The following SASH1 variants were observed in gnomAD, a reference collection of about 807,000 sequenced individuals.
SASH1 encodes SAM and SH3 domain containing 1.
SASH1 carries 44 observed loss-of-function variants against 125.2 expected under a neutral mutation model. That is an observed-to-expected ratio of 0.35 (90% CI 0.28 to 0.45). The LOEUF is 0.45. Ranked by LOEUF, SASH1 falls within the 20% of genes least tolerant of loss-of-function variation. The pLI is 1.00. For missense variants in SASH1, 1,426 were observed against 1,614.5 expected (o/e 0.88, Z 2.00); for synonymous variants, 639 against 649.1 (o/e 0.98, Z 0.24).
chr6:148,254,043 T>C, the SASH1 span, among the ~76,000 whole-genome samples: 23 of 151,890 alleles, frequency 1.5e-4, no homozygotes, highest in Admixed American at 1.1e-3. Flanking sequence ...CCATCTCTAC[T>C]AAAAATACAA....
intron 7 of SASH1, among the ~76,000 whole-genome samples, chr6:148,476,960 G>C (rs570582319): frequency 2.5e-4 from 38 of 152,250 alleles, no homozygotes; most frequent in African/African-American, 8.7e-4. Context: ...AATATACAAT[G>C]GGGAAAGAAC....
At chr6:148,344,928 G>C (rs1031258155) in intron 1 of SASH1, among the ~76,000 whole-genome samples, 6 of 152,032 alleles carry the variant, frequency 3.9e-5, no homozygotes, top group African/African-American at 1.4e-4. Context: ...GCTGATTTTT[G>C]TATTTTTAGT....
chr6:148,238,000 A>G, the SASH1 span, among the ~76,000 whole-genome samples: 3 of 152,156 alleles, frequency 2.0e-5, no homozygotes, highest in Non-Finnish European at 4.4e-5. Context: ...GAAAATGGGC[A>G]TCAGGGTGGC....
intron 1 of SASH1, among the ~76,000 whole-genome samples, chr6:148,330,130 C>G (rs1463870270): frequency 6.6e-6 from 1 of 152,136 alleles, no homozygotes; most frequent in Admixed American, 6.6e-5. Flanking sequence ...ACATACTTTT[C>G]CCAGAATGTT....
chr6:148,446,327 C>A (rs971309774), intron 4 of SASH1, among the ~76,000 whole-genome samples: 1 of 152,094 alleles, frequency 6.6e-6, no homozygotes, highest in East Asian at 1.9e-4. Flanking sequence ...CCAGGATGGT[C>A]TTGATCTCCT....
At chr6:148,267,280 C>T in the SASH1 span, among the ~76,000 whole-genome samples, 5 of 152,002 alleles carry the variant, frequency 3.3e-5, no homozygotes, top group Admixed American at 1.3e-4. Flanking sequence ...TAGAAGCACC[C>T]GGAAGCTTCA....
At chr6:148,446,148 G>A (rs748053118) in intron 4 of SASH1, among the ~76,000 whole-genome samples, 17 of 112,808 alleles carry the variant, frequency 1.5e-4, no homozygotes, top group African/African-American at 3.9e-4. Context: ...TCACTCTGTC[G>A]CCCAGGCTGG....
At chr6:148,289,516 T>C (rs1025742516) in intron 1 of SASH1, among the ~76,000 whole-genome samples, 1 of 152,240 alleles carries the variant, frequency 6.6e-6, no homozygotes, top group Non-Finnish European at 1.5e-5. Flanking sequence ...CTGGTGGATT[T>C]GTCTGGATTT....
the SASH1 span, among the ~76,000 whole-genome samples, chr6:148,198,224 T>C: frequency 6.6e-6 from 1 of 152,178 alleles, no homozygotes; most frequent in Admixed American, 6.5e-5. Context: ...TCCTTGCCTC[T>C]CCTTTGCCTT....
At chr6:148,288,391 A>G (rs1779542358) in intron 1 of SASH1, among the ~76,000 whole-genome samples, 1 of 152,254 alleles carries the variant, frequency 6.6e-6, no homozygotes, top group South Asian at 2.1e-4. Context: ...TAGAATTTGA[A>G]AAGAAACAGC....
At chr6:148,513,773 C>A in intron 8 of SASH1, 1 of 985,882 alleles carries the variant, frequency 1.0e-6, no homozygotes. Flanking sequence ...GAAGGGCTGG[C>A]TGCAATGTGG....
intron 2 of SASH1, among the ~76,000 whole-genome samples, chr6:148,391,037 G>C (rs1783694168): frequency 2.6e-5 from 4 of 151,722 alleles, no homozygotes; most frequent in Admixed American, 2.6e-4. Context: ...TCACGTTGGT[G>C]TTTTAGCGGG....
chr6:148,238,250 GTCTC>G, the SASH1 span, among the ~76,000 whole-genome samples: 1 of 151,792 alleles, frequency 6.6e-6, no homozygotes, highest in Admixed American at 6.6e-5. Flanking sequence ...TTGAGATGGA[GTCTC>G]TCTCTATTGC....
chr6:148,435,025 C>T (rs566204567), intron 2 of SASH1, among the ~76,000 whole-genome samples: 5 of 141,662 alleles, frequency 3.5e-5, no homozygotes, highest in South Asian at 2.5e-4. Flanking sequence ...GCCAACATAA[C>T]GAGACTTGTC....
At chr6:148,232,503 A>G in the SASH1 span, among the ~76,000 whole-genome samples, 6 of 152,344 alleles carry the variant, frequency 3.9e-5, no homozygotes, top group Non-Finnish European at 8.8e-5. Flanking sequence ...AGATAATCTG[A>G]AAGGAGACAC....
At chr6:148,545,143 G>A (rs1782482969) in intron 18 of SASH1, among the ~76,000 whole-genome samples, 1 of 152,118 alleles carries the variant, frequency 6.6e-6, no homozygotes, top group Non-Finnish European at 1.5e-5. Flanking sequence ...ATCTGTATGG[G>A]TAATGGGAAA....
chr6:148,450,340 C>T (rs115664005), intron 4 of SASH1, among the ~76,000 whole-genome samples: 1,863 of 152,244 alleles, frequency 0.012, 29 homozygotes, highest in African/African-American at 0.042. Flanking sequence ...TTCTTTATTG[C>T]TCAGTCTCCC....
chr6:148,482,433 G>A (rs1211184853), intron 7 of SASH1, among the ~76,000 whole-genome samples: 2 of 152,128 alleles, frequency 1.3e-5, no homozygotes, highest in African/African-American at 2.4e-5. Flanking sequence ...GACCATATCT[G>A]TGTGAAAGTC....
intron 4 of SASH1, among the ~76,000 whole-genome samples, chr6:148,450,712 A>T (rs1430125816): frequency 6.8e-6 from 1 of 147,334 alleles, no homozygotes; most frequent in Non-Finnish European, 1.5e-5. Flanking sequence ...TTTTGTATAA[A>T]CTCATTGAGG....
Sources: allele counts gnomAD v4.1 joint callset (sites outside exome capture counted in the v4.1 genomes callset), GRCh38; gene constraint gnomAD v4.1.1; transcripts MANE v1.5; gene names NCBI Gene and HGNC (gene_info 2026-07-23, HGNC 2026-07-21).